Variants in RALGPS2 observed in about 807,000 individuals in gnomAD.
RALGPS2 encodes the protein ras-specific guanine nucleotide-releasing factor RalGPS2.
In RALGPS2, 43 loss-of-function variants were observed where a neutral mutation model predicts 86.8. The ratio of observed to expected loss-of-function variants is 0.50; its 90% CI spans 0.39 to 0.64. The LOEUF is 0.64. Among genes scored for constraint, RALGPS2 ranks in the 30% least tolerant of loss-of-function variants. The pLI is 0.00. For missense variants in RALGPS2, 536 were observed against 694.6 expected (o/e 0.77, Z 2.57); for synonymous variants, 243 against 231.3 (o/e 1.05, Z -0.46).
chr1:178,776,626 G>C, intron 1 of RALGPS2, 56 bp from the exon 2 acceptor site: 2 of 555,898 alleles, frequency 3.6e-6, no homozygotes, highest in Non-Finnish European at 6.1e-6. Flanking sequence ...TAGGCATAGA[G>C]TTGTTTTCTT....
intron 2 of RALGPS2, among the ~76,000 whole-genome samples, chr1:178,783,481 G>A (rs1217510250): frequency 1.3e-5 from 2 of 152,124 alleles, no homozygotes; most frequent in Non-Finnish European, 2.9e-5. Context: ...TTAAAGTTAA[G>A]GACAGATCCC....
chr1:178,816,451 A>G (rs1303788974), intron 6 of RALGPS2, among the ~76,000 whole-genome samples: 1 of 152,126 alleles, frequency 6.6e-6, no homozygotes, highest in Non-Finnish European at 1.5e-5. Context: ...ATCAAGTTGT[A>G]GGGATTTTTT....
intron 13 of RALGPS2, among the ~76,000 whole-genome samples, chr1:178,888,320 A>AT (rs1342297493): frequency 6.6e-6 from 1 of 152,208 alleles, no homozygotes; most frequent in Non-Finnish European, 1.5e-5. Flanking sequence ...ATAGGTGTTA[A>AT]TATACACACA....
At chr1:178,856,196 G>GATAGATAGATAGAT (rs1449088390) in intron 8 of RALGPS2, among the ~76,000 whole-genome samples, 9 of 41,040 alleles carry the variant, frequency 2.2e-4, no homozygotes, top group African/African-American at 9.3e-4. Context: ...TTTCCAGAGA[G>GATAGATAGATAGAT]AGAGAGATAT....
At chr1:178,746,609 G>A in intron 1 of RALGPS2, 1 of 733,940 alleles carries the variant, frequency 1.4e-6, no homozygotes, top group Non-Finnish European at 2.6e-6. Flanking sequence ...AGTTTCCAGA[G>A]TGGGCTTCAG....
chr1:178,853,366 G>C (rs1558150590), intron 8 of RALGPS2, among the ~76,000 whole-genome samples: 1 of 152,146 alleles, frequency 6.6e-6, no homozygotes, highest in East Asian at 1.9e-4. Flanking sequence ...AAGTCATCCA[G>C]ACTGAAAGGG....
intron 1 of RALGPS2, among the ~76,000 whole-genome samples, chr1:178,754,532 T>G (rs942923664): frequency 6.6e-6 from 1 of 152,290 alleles, no homozygotes; most frequent in East Asian, 1.9e-4. Flanking sequence ...GTTAAAGCAC[T>G]CAGGCAGGCA....
intron 4 of RALGPS2, among the ~76,000 whole-genome samples, chr1:178,805,839 C>T (rs1654716499): frequency 6.6e-6 from 1 of 151,986 alleles, no homozygotes; most frequent in Admixed American, 6.6e-5. Flanking sequence ...GTTTTGTTTT[C>T]TTTGAGCTAA....
At chr1:178,885,926 A>G in intron 12 of RALGPS2, 43 bp from the exon 13 acceptor site, 1 of 1,478,186 alleles carries the variant, frequency 6.8e-7, no homozygotes, top group Non-Finnish European at 9.2e-7. Context: ...TTTTTAAATT[A>G]GTAACAATAA....
At chr1:178,914,978 A>T (rs1660755719) in intron 19 of RALGPS2, among the ~76,000 whole-genome samples, 1 of 152,144 alleles carries the variant, frequency 6.6e-6, no homozygotes, top group African/African-American at 2.4e-5. Context: ...TTCCAAGATG[A>T]ATCTAGACAA....
chr1:178,736,788 C>G (rs1448154841), intron 1 of RALGPS2, among the ~76,000 whole-genome samples: 1 of 152,020 alleles, frequency 6.6e-6, no homozygotes, highest in Non-Finnish European at 1.5e-5. Context: ...GTAGTCCCAG[C>G]TACTCAGGAG....
chr1:178,906,826 T>C lies in RALGPS2; in HGVS notation c.1681T>C (p.Phe561Leu), dbSNP rs1660405988. Residue 561 changes from phenylalanine (F) to leucine (L), a missense_variant, in exon 19 of 20, where the codon TTT becomes CTT. By Grantham distance (22) the Phe-to-Leu change is conservative. Around this residue, in one of 3 missense-constraint regions of RALGPS2, gnomAD observed 309 missense variants for 363.0 expected, o/e 0.85. Transcript: ENST00000367635. ...AGNRMNAMLW[F>L]KHLSAACQSN... is the part of the protein sequence containing the mutation. The stretch of plus-strand genomic sequence containing the variant: ...CAATAGAATGAATGCAATGTTATGG[T>C]TTAAGCATTTGAGTGCAGCCTGCCA... 1 of 1,613,096 alleles carries C rather than the reference T, an allele frequency of 6.2e-7. No homozygotes were observed. Among genetic ancestry groups the C allele is most frequent in the Non-Finnish European group, 8.5e-7 (1 of 1,179,640 alleles).
chr1:178,824,671 T>C (rs1655666950), intron 7 of RALGPS2, among the ~76,000 whole-genome samples: 1 of 151,756 alleles, frequency 6.6e-6, no homozygotes. Flanking sequence ...TAGTCAGACG[T>C]GGTGATGGGC....
At chr1:178,875,855 G>A (rs905729853) in intron 8 of RALGPS2, among the ~76,000 whole-genome samples, 1 of 152,162 alleles carries the variant, frequency 6.6e-6, no homozygotes, top group African/African-American at 2.4e-5. Flanking sequence ...AGGCAGCAAC[G>A]ATTGCATTCA....
chr1:178,881,875 A>G (rs1039150942), intron 10 of RALGPS2, among the ~76,000 whole-genome samples: 7 of 152,184 alleles, frequency 4.6e-5, no homozygotes, highest in Non-Finnish European at 1.0e-4. Flanking sequence ...CATTTTTTAG[A>G]AAAAATGCCT....
At chr1:178,908,868 T>A (rs1467230315) in intron 19 of RALGPS2, among the ~76,000 whole-genome samples, 1 of 152,198 alleles carries the variant, frequency 6.6e-6, no homozygotes, top group African/African-American at 2.4e-5. Flanking sequence ...TGTTGGTTTA[T>A]TCTGCTGATA....
chr1:178,853,505 T>C (rs1657319886), intron 8 of RALGPS2: 1 of 1,047,324 alleles, frequency 9.5e-7, no homozygotes, highest in Non-Finnish European at 1.3e-6. Flanking sequence ...TTTAACTGTG[T>C]GTCTTATTTA....
At chr1:178,833,578 T>A in intron 8 of RALGPS2, 28 bp downstream of exon 8, 1 of 1,518,374 alleles carries the variant, frequency 6.6e-7, no homozygotes, top group Non-Finnish European at 8.7e-7. Context: ...GTGTTTTTTG[T>A]TTCTAGTTGT....
chr1:178,783,869 A>G (rs1352057133), intron 2 of RALGPS2, among the ~76,000 whole-genome samples: 4 of 152,160 alleles, frequency 2.6e-5, no homozygotes, highest in African/African-American at 9.7e-5. Flanking sequence ...AACTTGAAAC[A>G]GTAATTTTTA....
Sources: gnomAD v4.1 joint callset for allele counts (sites outside exome capture counted in the v4.1 genomes callset) on GRCh38, gnomAD v4.1.1 for gene constraint, gnomAD v4.1.1 regional missense constraint, MANE v1.5 for transcripts, NCBI Gene and HGNC (gene_info 2026-07-23, HGNC 2026-07-21) for gene names.